Variants in CHRNB1 observed in about 807,000 individuals in gnomAD.
CHRNB1 encodes acetylcholine receptor subunit beta.
CHRNB1 carries 47 observed loss-of-function variants against 53.8 expected under a neutral mutation model. That is an observed-to-expected ratio of 0.87 (90% CI 0.69 to 1.11). The LOEUF (loss-of-function observed/expected upper bound fraction) is 1.11, where lower values mean the gene tolerates loss of function less well. Among genes scored for constraint, CHRNB1 ranks in the 50% most tolerant of loss-of-function variants. The pLI is 0.00. For missense variants in CHRNB1, 605 were observed against 654.9 expected, an observed-to-expected ratio of 0.92 and a Z score of 0.83; for synonymous variants, 259 against 263.5, an observed-to-expected ratio of 0.98 and a Z score of 0.16.
rs147140944 is a variant in CHRNB1 at position 7,451,279 on chromosome 17, T to C, written c.820+2491T>C. Among the ~76,000 whole-genome samples the C allele has an allele frequency of 4.7e-3, 637 of 136,754 alleles. 22 individuals are homozygous for C. In the East Asian group the frequency reaches 0.11, roughly 24 times the overall value. The allele number at this position is 136,754 out of a possible 152,430, so 89.7% of individuals were successfully genotyped here. On this transcript the variant is annotated intron_variant, in intron 7 of 10. Transcript: ENST00000306071. ...CTTTTCTTTTCTTTTCTTTTCTTTT[T>C]TTTTTTTTTTTTTTTGAGACAGAGT...
chr17:7,446,313 GTGTGTGTGTGTGTC>G lies in CHRNB1; in HGVS notation c.243+214_243+227del, dbSNP rs1314826729. The G allele has an allele frequency of 0.012, 4,841 of 403,430 alleles. 131 individuals are homozygous for G. In the Admixed American group the frequency reaches 0.14, roughly 12 times the overall value. The allele number at this position is 403,430 out of a possible 1,614,324, so 25.0% of individuals were successfully genotyped here. A position where few individuals can be genotyped will look rare whatever the true frequency, so the allele number is the denominator to read the frequency against. On this transcript the variant is annotated intron_variant, in intron 3 of 10. Transcript: ENST00000306071. ...TTTTTAATTCCAATTTTGTGTGTGT[GTGTGTGTGTGTGTC>G]TGTGTGTGTGTGTGTGTGTGTGTGT...
intron 5 of CHRNB1, 79 bp downstream of exon 5, chr17:7,447,230 C>T: frequency 8.5e-7 from 1 of 1,181,674 alleles, no homozygotes; most frequent in Non-Finnish European, 1.2e-6. Context: ...TCCCCGGCGA[C>T]TCCCATCCTT....
rs1230840998 is a variant in CHRNB1, at chr17:7,454,930, G to A, written c.1045-354G>A. The stretch of plus-strand genomic sequence containing the variant: ...CGATTCTCCTGCCTGAGCCTCCCAA[G>A]TAGCTGGGATTACAGGCACCCGCCA... On this transcript the variant is annotated intron_variant, in intron 8 of 10. Coordinates refer to ENST00000306071, the MANE Select transcript of CHRNB1 (RefSeq NM_000747.3). 3.4e-5 allele frequency among the ~76,000 whole-genome samples: 5 copies of A among 148,404 alleles called. No individual in the cohort carries two copies. The East Asian group carries it at 1.0e-3, about 31-fold the overall frequency.
chr17:7,454,194 A>C, intron 7 of CHRNB1, 103 bp from the exon 8 acceptor site: 2 of 1,024,594 alleles, frequency 2.0e-6, no homozygotes, highest in Non-Finnish European at 3.0e-6. Flanking sequence ...GCCTGGCTGT[A>C]GAAATCTGTC....
chr17:7,454,713 G>A (rs1256145908), intron 8 of CHRNB1, among the ~76,000 whole-genome samples, 193 bp downstream of exon 8: 3 of 151,080 alleles, frequency 2.0e-5, no homozygotes, highest in Non-Finnish European at 4.4e-5. Context: ...TCGGGTCCCA[G>A]GGAAATATTC....
intron 7 of CHRNB1, among the ~76,000 whole-genome samples, chr17:7,449,450 C>G (rs1170684746): frequency 6.9e-6 from 1 of 145,632 alleles, no homozygotes; most frequent in African/African-American, 2.6e-5. Flanking sequence ...CTCTTTTGCC[C>G]AGGCTGGAGT....
chr17:7,455,646 G>A, intron 9 of CHRNB1, 148 bp from the exon 10 acceptor site: 1 of 1,285,366 alleles, frequency 7.8e-7, no homozygotes, highest in South Asian at 1.2e-5. Flanking sequence ...AGTTGCACAA[G>A]GCTAGAGAGA....
At position 7,454,529 on chromosome 17, in the gene CHRNB1, G is replaced by C. The variant is rs143871421; in HGVS notation, c.1044+9G>C. Reference sequence around the variant, plus strand: ...CCCTTTGGGTCCGTCAGGTAAGAAAGATCTCCTCCTCCAACCCCAATTTTC... The same window carrying C: ...CCCTTTGGGTCCGTCAGGTAAGAAACATCTCCTCCTCCAACCCCAATTTTC... On this transcript the variant is annotated intron_variant, in intron 8 of 10. Coordinates refer to ENST00000306071, the MANE Select transcript of CHRNB1 (RefSeq NM_000747.3). 1 of 1,611,364 alleles carries C rather than the reference G, an allele frequency of 6.2e-7. No individual in the cohort carries two copies. Among genetic ancestry groups the C allele is most frequent in the Admixed American group, 1.7e-5 (1 of 60,018 alleles).
chr17:7,453,225 C>T (rs1013247426), intron 7 of CHRNB1, among the ~76,000 whole-genome samples: 2 of 152,128 alleles, frequency 1.3e-5, no homozygotes, highest in African/African-American at 4.8e-5. Context: ...TCGAGTGATT[C>T]TCCTGCCTCA....
intron 10 of CHRNB1, among the ~76,000 whole-genome samples, 165 bp downstream of exon 10, chr17:7,456,106 G>A (rs1314985949): frequency 2.1e-5 from 3 of 142,976 alleles, no homozygotes; most frequent in African/African-American, 8.0e-5. Context: ...CCAGGCTGGA[G>A]TGCAGTGGCT....
chr17:7,446,643 G>A (rs932678970), intron 3 of CHRNB1, 190 bp from the exon 4 acceptor site: 1 of 605,492 alleles, frequency 1.7e-6, no homozygotes. Context: ...CCGGTGCGGG[G>A]GAGGGAAATT....
At chr17:7,446,735 C>A in intron 3 of CHRNB1, 98 bp from the exon 4 acceptor site, 2 of 919,480 alleles carry the variant, frequency 2.2e-6, no homozygotes, top group Non-Finnish European at 3.5e-6. Flanking sequence ...GCCTGTCCTG[C>A]TCCCCTTCCT....
At position 7,456,490 on chromosome 17, in the gene CHRNB1, G is replaced by A. The variant is rs2069951924; in HGVS notation, c.1366-93G>A. ...CGGCTGTTGCCTCAAACCAGTGGTAGGAGGACTCAAGCGGGTAGCGGGCGG... is the reference window on the plus strand; with the variant it reads ...CGGCTGTTGCCTCAAACCAGTGGTAAGAGGACTCAAGCGGGTAGCGGGCGG... On this transcript the variant is annotated intron_variant, in intron 10 of 10. Transcript: ENST00000306071. The A allele has an allele frequency of 3.3e-6, 5 of 1,531,986 alleles. No homozygotes were observed. In the Admixed American group the frequency reaches 5.0e-5, roughly 15 times the overall value. The allele number at this position is 1,531,986 out of a possible 1,614,324, so 94.9% of individuals were successfully genotyped here.
chr17:7,446,351 G>C (rs1048996813), intron 3 of CHRNB1: 32 of 581,492 alleles, frequency 5.5e-5, no homozygotes, highest in Admixed American at 3.2e-4. Flanking sequence ...GTGTGTGTGT[G>C]TGTGTGTGTG....
In CHRNB1 at chr17:7,447,169, T is replaced by C. The variant is rs1908674376; in HGVS notation, c.462+18T>C. On this transcript the variant is annotated intron_variant, in intron 5 of 10. Coordinates refer to ENST00000306071, the MANE Select transcript of CHRNB1 (RefSeq NM_000747.3). ...GCATCCAGGTTTCCGGCCTCCACAT[T>C]GGAAGCTGAAGGAGCTCTTACAAAT... The C allele has an allele frequency of 1.2e-6, 2 of 1,603,758 alleles. No individual in the cohort carries two copies. The highest frequency in any genetic ancestry group is 1.7e-6 in the Non-Finnish European group (2 of 1,171,184).
chr17:7,455,779 T>C lies in CHRNB1; in HGVS notation c.1218-15T>C, dbSNP rs1010069501. The C allele has an allele frequency of 2.5e-5, 41 of 1,614,022 alleles. No individual in the cohort carries two copies. Among genetic ancestry groups the C allele is most frequent in the Admixed American group, 5.0e-5 (3 of 59,998 alleles). On this transcript the variant is annotated splice_polypyrimidine_tract_variant and intron_variant, in intron 9 of 10. Coordinates refer to ENST00000306071, the MANE Select transcript of CHRNB1 (RefSeq NM_000747.3). ...TGTCTTTGCGTTTGGGCGTGGCCAG[T>C]CACTCCTCTTCCAGGTTCCAGCCTG...
Position 7,448,771 on chromosome 17 carries a change from A to G in CHRNB1, c.803A>G (p.Tyr268Cys), listed in dbSNP as rs1485206184. 1.9e-6 allele frequency: 3 copies of G among 1,614,152 alleles called. No homozygotes were observed. In the Admixed American group the frequency reaches 5.0e-5, roughly 27 times the overall value. ...LITLLAIFVF[Y>C]LPPDAGEKMG... Reference sequence around the variant, plus strand: ...ACTCTTCTGGCCATCTTCGTCTTCTACCTGCCACCAGATGCAGGTAATGGG... The same window carrying G: ...ACTCTTCTGGCCATCTTCGTCTTCTGCCTGCCACCAGATGCAGGTAATGGG... The change falls in exon 7 of 11, where the codon TAC becomes TGC. Residue 268 changes from tyrosine (Y) to cysteine (C), a missense_variant. Coordinates refer to ENST00000306071, the MANE Select transcript of CHRNB1 (RefSeq NM_000747.3).
chr17:7,455,543 C>G (rs1156896809), intron 9 of CHRNB1, 87 bp downstream of exon 9: 1 of 1,489,568 alleles, frequency 6.7e-7, no homozygotes, highest in African/African-American at 1.4e-5. Flanking sequence ...CCCATGCTCT[C>G]GGAAGACGCT....
intron 10 of CHRNB1, 108 bp downstream of exon 10, chr17:7,456,049 C>CTTTTTTTT (rs528936191): frequency 2.1e-5 from 11 of 529,908 alleles, no homozygotes; most frequent in African/African-American, 1.7e-4. Flanking sequence ...TTTTTTTTGG[C>CTTTTTTTT]TTTTTTTTTT....
Sources: gnomAD v4.1 joint callset for allele counts (sites outside exome capture counted in the v4.1 genomes callset) on GRCh38, gnomAD v4.1.1 for gene constraint, MANE v1.5 for transcripts, NCBI Gene and HGNC (gene_info 2026-07-23, HGNC 2026-07-21) for gene names.